The following PROKR1 variants were observed in gnomAD, a reference collection of about 807,000 sequenced individuals.
PROKR1 encodes the protein prokineticin receptor 1, also known as G protein-coupled receptor 73.
Under a neutral mutation model 22.8 loss-of-function variants are expected in PROKR1, and 21 were observed. The ratio of observed to expected loss-of-function variants is 0.92; its 90% CI spans 0.65 to 1.32. The LOEUF is 1.32. Among genes scored for constraint, PROKR1 ranks in the 40% most tolerant of loss-of-function variants. The pLI, the probability that PROKR1 is intolerant of heterozygous loss-of-function variation, is 0.00. For synonymous variants in PROKR1, 193 were observed against 207.5 expected (o/e 0.93, Z 0.60); for missense variants, 548 against 514.2 (o/e 1.07, Z -0.64).
In PROKR1 at chr2:68,657,080, T is replaced by G. The variant is rs907849558; in HGVS notation, c.*1504T>G. On this transcript the variant is annotated 3_prime_UTR_variant, in exon 3 of 3. Transcript: ENST00000303786. ...GGAAGATCTGAGAGCCAGACTTGACTCTGTCAACTGTGTAGCCCTGGGCAA... is the reference window on the plus strand; with the variant it reads ...GGAAGATCTGAGAGCCAGACTTGACGCTGTCAACTGTGTAGCCCTGGGCAA... The G allele has an allele frequency of 2.6e-5, 4 of 152,244 alleles. No homozygotes were observed. The highest frequency in any genetic ancestry group is 4.4e-5 in the Non-Finnish European group (3 of 68,074). The allele number at this position is 152,244 out of a possible 1,614,324, so 9.4% of individuals were successfully genotyped here. A position where few individuals can be genotyped will look rare whatever the true frequency, so the allele number is the denominator to read the frequency against.
rs1047972402 is a variant in PROKR1 at position 68,657,055 on chromosome 2, G to A, written c.*1479G>A. The A allele has an allele frequency of 1.3e-5, 2 of 152,236 alleles. No homozygotes were observed. Among genetic ancestry groups the A allele is most frequent in the Non-Finnish European group, 2.9e-5 (2 of 68,110 alleles). 9.4% of individuals were successfully genotyped at this position (152,236 alleles called of 1,614,324 possible). A position where few individuals can be genotyped will look rare whatever the true frequency, so the allele number is the denominator to read the frequency against. On this transcript the variant is annotated 3_prime_UTR_variant, in exon 3 of 3. Coordinates refer to ENST00000303786, the MANE Select transcript of PROKR1 (RefSeq NM_138964.4). ...TTTTGGAGTTTGGTATTTTGGAGTT[G>A]GAAGATCTGAGAGCCAGACTTGACT...
chr2:68,644,171 AATC>A lies in PROKR1; in HGVS notation c.-161+327_-161+329del, dbSNP rs1280066394. On this transcript the variant is annotated intron_variant, in intron 1 of 2. Coordinates refer to ENST00000303786, the MANE Select transcript of PROKR1 (RefSeq NM_138964.4). ...AATAAAGGAGAAAAGACCTCTGGACAATCATCCTTAATCTCGTGACGCCCTCCT... is the reference window on the plus strand; with the variant it reads ...AATAAAGGAGAAAAGACCTCTGGACAATCCTTAATCTCGTGACGCCCTCCT... 2.0e-5 allele frequency among the ~76,000 whole-genome samples: 3 copies of A among 152,294 alleles called. No individual in the cohort carries two copies. In the East Asian group the frequency reaches 5.8e-4, roughly 29 times the overall value.
rs1267976254 is a variant in PROKR1 at position 68,646,314 on chromosome 2, C to T, written c.485+8C>T. Reference sequence around the variant, plus strand: ...GGCCATCGCCATTGACAGGTGAGTGCAGCAGCAGTGGGGACAACAAAGGCG... The same window carrying T: ...GGCCATCGCCATTGACAGGTGAGTGTAGCAGCAGTGGGGACAACAAAGGCG... On this transcript the variant is annotated splice_region_variant and intron_variant, in intron 2 of 2. Coordinates refer to ENST00000303786, the MANE Select transcript of PROKR1 (RefSeq NM_138964.4). 2.5e-6 allele frequency: 4 copies of T among 1,614,160 alleles called. No homozygotes were observed. The highest frequency in any genetic ancestry group is 3.4e-6 in the Non-Finnish European group (4 of 1,180,028).
Position 68,657,771 on chromosome 2 carries a change from A to G in PROKR1, c.*2195A>G, listed in dbSNP as rs545660104. The G allele has an allele frequency of 1.3e-5, 2 of 152,306 alleles. No homozygotes were observed. The highest frequency in any genetic ancestry group is 2.1e-4 in the South Asian group (1 of 4,826). 9.4% of individuals were successfully genotyped at this position (152,306 alleles called of 1,614,324 possible). ...TTTTGGGCAGCAAAGTTTATTTTGT[A>G]TAGTTACTTTATTTCCCTGAAAGAC... On this transcript the variant is annotated 3_prime_UTR_variant, in exon 3 of 3. Transcript: ENST00000303786.
At chr2:68,647,545 G>C (rs1219337939) in intron 2 of PROKR1, among the ~76,000 whole-genome samples, 1 of 152,148 alleles carries the variant, frequency 6.6e-6, no homozygotes, top group Non-Finnish European at 1.5e-5. Context: ...AGTGTTCTAG[G>C]GAGGAGCACA....
In PROKR1 at chr2:68,646,135, C is replaced by A. The variant is rs759297385; in HGVS notation, c.314C>A (p.Ala105Asp). Residue 105 changes from alanine (A) to aspartate (D), a missense_variant, in exon 2 of 3, where the codon GCC becomes GAC. Physicochemically the swap from Ala to Asp is moderately radical, Grantham distance 126. Transcript: ENST00000303786. ...ACCAACCTGCTCATCGCCAACCTGG[C>A]CATCTCTGACTTCCTGGTGGCCATT... is the stretch of plus-strand genomic sequence containing the variant. ...NLTNLLIANL[A>D]ISDFLVAIVC... The A allele has an allele frequency of 1.2e-6, 2 of 1,610,032 alleles. No individual in the cohort carries two copies. Among genetic ancestry groups the A allele is most frequent in the South Asian group, 1.1e-5 (1 of 90,502 alleles).
chr2:68,655,467 T>C lies in PROKR1; in HGVS notation c.1073T>C (p.Leu358Ser). 1 of 1,614,176 alleles carries C rather than the reference T, an allele frequency of 6.2e-7. No individual in the cohort carries two copies. Among genetic ancestry groups the C allele is most frequent in the Non-Finnish European group, 8.5e-7 (1 of 1,179,974 alleles). The part of the protein sequence containing the change: ...DTVKYFKKIM[L>S]LHWKASYNGG... ...GTCAAGTACTTCAAAAAGATCATGTTGCTCCACTGGAAGGCTTCTTACAAT... is the reference window on the plus strand; with the variant it reads ...GTCAAGTACTTCAAAAAGATCATGTCGCTCCACTGGAAGGCTTCTTACAAT... Residue 358 changes from leucine (L) to serine (S), a missense_variant, in exon 3 of 3, where the codon TTG becomes TCG. Leu to Ser is a moderately radical substitution (Grantham distance 145). Transcript: ENST00000303786.
In PROKR1 at chr2:68,645,770, A is replaced by T; in HGVS notation, c.-52A>T. 6.2e-7 allele frequency: 1 copy of T among 1,614,050 alleles called. No individual in the cohort carries two copies. Among genetic ancestry groups the T allele is most frequent in the South Asian group, 1.1e-5 (1 of 91,078 alleles). On this transcript the variant is annotated 5_prime_UTR_variant, in exon 2 of 3. Coordinates refer to ENST00000303786, the MANE Select transcript of PROKR1 (RefSeq NM_138964.4). ...GAGAGGGGTGACATCAGCCTTGCAG[A>T]CATTGCCCTGGGGAATTCTGAGCAG...
Position 68,646,115 on chromosome 2 carries a change from C to A in PROKR1, c.294C>A (p.Asn98Lys). 6.2e-7 allele frequency: 1 copy of A among 1,612,682 alleles called. No homozygotes were observed. The highest frequency in any genetic ancestry group is 1.3e-5 in the African/African-American group (1 of 75,042). ...VRYKKLRNLT[N>K]LLIANLAISD... ...ACAAGAAACTGCGCAACCTCACCAA[C>A]CTGCTCATCGCCAACCTGGCCATCT... The change falls in exon 2 of 3, where the codon AAC (asparagine) becomes AAA (lysine). Residue 98 changes from asparagine (N) to lysine (K), a missense_variant. Physicochemically the swap from Asn to Lys is moderately conservative, Grantham distance 94. Transcript: ENST00000303786.
chr2:68,656,071 T>C lies in PROKR1; in HGVS notation c.*495T>C, dbSNP rs1374704503. On this transcript the variant is annotated 3_prime_UTR_variant, in exon 3 of 3. Transcript: ENST00000303786. ...TCTGTAGCCCTTATCCTCTCATCTT[T>C]CATGGCGAGGGGCCTTGCATGCATG... 4.3e-6 allele frequency: 1 copy of C among 232,880 alleles called. No homozygotes were observed. 14.4% of individuals were successfully genotyped at this position (232,880 alleles called of 1,614,324 possible).
chr2:68,653,247 G>C (rs548587240), intron 2 of PROKR1, among the ~76,000 whole-genome samples: 35 of 152,294 alleles, frequency 2.3e-4, no homozygotes, highest in African/African-American at 7.2e-4. Flanking sequence ...AGATTGGCTA[G>C]AGTGCCAGGG....
chr2:68,652,424 A>T (rs1673351644), intron 2 of PROKR1, among the ~76,000 whole-genome samples: 1 of 152,246 alleles, frequency 6.6e-6, no homozygotes. Context: ...TTGTAAATAT[A>T]TCAGGAAGGC....
chr2:68,652,658 G>GA (rs773201964), intron 2 of PROKR1, among the ~76,000 whole-genome samples: 1 of 139,036 alleles, frequency 7.2e-6, no homozygotes, highest in Non-Finnish European at 1.5e-5. Context: ...ATAGCTCTGG[G>GA]AAAAAATACA....
chr2:68,650,574 T>G (rs746376152), intron 2 of PROKR1, among the ~76,000 whole-genome samples: 1 of 152,042 alleles, frequency 6.6e-6, no homozygotes, highest in Non-Finnish European at 1.5e-5. Context: ...AGGCACTCAA[T>G]GAGGGTGAAG....
At chr2:68,650,971 T>A (rs1446726843) in intron 2 of PROKR1, among the ~76,000 whole-genome samples, 1 of 152,042 alleles carries the variant, frequency 6.6e-6, no homozygotes, top group East Asian at 1.9e-4. Flanking sequence ...GGATGTCAGG[T>A]ATGGGTAAGA....
intron 2 of PROKR1, among the ~76,000 whole-genome samples, chr2:68,652,490 A>G (rs1673354360): frequency 6.6e-6 from 1 of 152,166 alleles, no homozygotes; most frequent in South Asian, 2.1e-4. Context: ...GATGTCAGAG[A>G]GACCCAGAAT....
intron 2 of PROKR1, among the ~76,000 whole-genome samples, chr2:68,649,043 G>A (rs1176189870): frequency 1.3e-5 from 2 of 152,090 alleles, no homozygotes; most frequent in African/African-American, 4.8e-5. Flanking sequence ...AACCCTTATA[G>A]GAATGTCTAC....
In PROKR1 at chr2:68,657,743, T is replaced by C. The variant is rs1327535973; in HGVS notation, c.*2167T>C. On this transcript the variant is annotated 3_prime_UTR_variant, in exon 3 of 3. Transcript: ENST00000303786. Reference sequence around the variant, plus strand: ...TTCCCCTCCAAATATAGTCAACTCCTTATTTTGGGCAGCAAAGTTTATTTT... The same window carrying C: ...TTCCCCTCCAAATATAGTCAACTCCCTATTTTGGGCAGCAAAGTTTATTTT... 6.6e-6 allele frequency: 1 copy of C among 152,224 alleles called. No individual in the cohort carries two copies. Among genetic ancestry groups the C allele is most frequent in the Non-Finnish European group, 1.5e-5 (1 of 68,036 alleles). 9.4% of individuals were successfully genotyped at this position (152,224 alleles called of 1,614,324 possible).
rs139844262 is a variant in PROKR1, at chr2:68,646,116, C to G, written c.295C>G (p.Leu99Val). 6.2e-7 allele frequency: 1 copy of G among 1,612,418 alleles called. No homozygotes were observed. The highest frequency in any genetic ancestry group is 1.3e-5 in the African/African-American group (1 of 75,036). The change falls in exon 2 of 3, where the codon CTG (leucine) becomes GTG (valine). Residue 99 changes from leucine (L) to valine (V), a missense_variant. By Grantham distance (32) the Leu-to-Val change is conservative. Coordinates refer to ENST00000303786, the MANE Select transcript of PROKR1 (RefSeq NM_138964.4). ...RYKKLRNLTN[L>V]LIANLAISDF... The stretch of plus-strand genomic sequence containing the variant: ...CAAGAAACTGCGCAACCTCACCAAC[C>G]TGCTCATCGCCAACCTGGCCATCTC...
Sources: allele counts gnomAD v4.1 joint callset (sites outside exome capture counted in the v4.1 genomes callset), GRCh38; gene constraint gnomAD v4.1.1; transcripts MANE v1.5; gene names NCBI Gene and HGNC (gene_info 2026-07-23, HGNC 2026-07-21).